The following CCDC141 variants were observed in gnomAD, a reference collection of about 807,000 sequenced individuals.
CCDC141 encodes coiled-coil domain-containing protein 141.
In CCDC141, 168 loss-of-function variants were observed where a neutral mutation model predicts 181.0. The ratio of observed to expected loss-of-function variants is 0.93; its 90% confidence interval spans 0.82 to 1.05. The LOEUF is 1.05. Among genes scored for constraint, CCDC141 ranks in the 50% least tolerant of loss-of-function variants. The probability of loss-of-function intolerance (pLI) is 0.00; values close to 1 mark genes in which losing one functional copy is unlikely to be tolerated. For synonymous variants in CCDC141, 666 were observed against 642.3 expected (o/e 1.04, Z -0.56); for missense variants, 1,902 against 1,788.5 (o/e 1.06, Z -1.14).
intron 3 of CCDC141, among the ~76,000 whole-genome samples, chr2:178,975,720 T>C (rs1691089086): frequency 6.6e-6 from 1 of 152,112 alleles, no homozygotes; most frequent in Non-Finnish European, 1.5e-5. Flanking sequence ...TAATCCAATA[T>C]TTTATACAAA....
intron 17 of CCDC141, among the ~76,000 whole-genome samples, chr2:178,860,179 A>G (rs1214024930): frequency 6.6e-6 from 1 of 152,182 alleles, no homozygotes; most frequent in Non-Finnish European, 1.5e-5. Flanking sequence ...CATATTCAGT[A>G]ACAGAAAGCT....
intron 8 of CCDC141, among the ~76,000 whole-genome samples, chr2:178,896,516 GAA>G (rs570163980): frequency 7.9e-5 from 12 of 152,298 alleles, no homozygotes; most frequent in African/African-American, 2.9e-4. Context: ...CTGAAAGAAA[GAA>G]AAACTTTGCA....
chr2:178,927,589 C>G (rs1375516950), intron 6 of CCDC141, among the ~76,000 whole-genome samples: 1 of 151,938 alleles, frequency 6.6e-6, no homozygotes, highest in Admixed American at 6.6e-5. Context: ...AGCAATGGAG[C>G]TAATGGTGTC....
At chr2:178,971,195 G>A (rs1203357855) in intron 4 of CCDC141, among the ~76,000 whole-genome samples, 3 of 151,974 alleles carry the variant, frequency 2.0e-5, no homozygotes, top group African/African-American at 7.3e-5. Flanking sequence ...GTGGCAAAGC[G>A]AGACTCCACC....
At chr2:178,814,978 T>G in the CCDC141 span, among the ~76,000 whole-genome samples, 1 of 151,112 alleles carries the variant, frequency 6.6e-6, no homozygotes, top group Non-Finnish European at 1.5e-5. Flanking sequence ...AACAAGAGAT[T>G]AAGACAAAAC....
intron 2 of CCDC141, among the ~76,000 whole-genome samples, chr2:179,034,855 G>C (rs1229525311): frequency 6.6e-6 from 1 of 152,076 alleles, no homozygotes; most frequent in South Asian, 2.1e-4. Context: ...TTTGTAAATA[G>C]TCCATTTTTA....
chr2:179,029,368 A>T (rs2042944027), intron 2 of CCDC141, among the ~76,000 whole-genome samples: 1 of 152,200 alleles, frequency 6.6e-6, no homozygotes, highest in Non-Finnish European at 1.5e-5. Flanking sequence ...GGGCATAGCC[A>T]CTTCTGAATT....
chr2:178,961,794 G>A (rs1249341607), intron 4 of CCDC141, among the ~76,000 whole-genome samples: 2 of 152,136 alleles, frequency 1.3e-5, no homozygotes, highest in South Asian at 4.1e-4. Flanking sequence ...AGTTTTCAGC[G>A]GTATGATGCT....
At chr2:178,923,288 T>A (rs1197435097) in intron 6 of CCDC141, among the ~76,000 whole-genome samples, 2 of 151,714 alleles carry the variant, frequency 1.3e-5, no homozygotes, top group African/African-American at 4.8e-5. Flanking sequence ...GTATTTTTAG[T>A]AGAGACGGGG....
intron 21 of CCDC141, among the ~76,000 whole-genome samples, chr2:178,846,839 T>C (rs1257769653): frequency 1.3e-5 from 2 of 152,234 alleles, no homozygotes; most frequent in Non-Finnish European, 2.9e-5. Flanking sequence ...GGAGATAATG[T>C]ATATGAACGT....
intron 2 of CCDC141, among the ~76,000 whole-genome samples, chr2:179,043,002 A>C (rs567877331): frequency 1.3e-5 from 2 of 152,306 alleles, no homozygotes; most frequent in South Asian, 4.1e-4. Context: ...AAAAGAGAGA[A>C]GCATCAAATA....
chr2:179,029,991 C>T (rs2042956781), intron 2 of CCDC141, among the ~76,000 whole-genome samples: 1 of 151,994 alleles, frequency 6.6e-6, no homozygotes, highest in Admixed American at 6.5e-5. Context: ...AATCTTTATC[C>T]CATTTGTATA....
chr2:178,964,446 T>C (rs1476484473), intron 4 of CCDC141, among the ~76,000 whole-genome samples: 5 of 152,208 alleles, frequency 3.3e-5, no homozygotes. Flanking sequence ...CATGAGAATA[T>C]GAACAATTAG....
intron 8 of CCDC141, among the ~76,000 whole-genome samples, chr2:178,903,541 T>G (rs1246414960): frequency 2.2e-5 from 3 of 138,166 alleles, no homozygotes; most frequent in Non-Finnish European, 4.6e-5. Context: ...TCACTCATAG[T>G]TGGGAACTGA....
At chr2:178,912,144 G>C (rs1688244932) in intron 7 of CCDC141, among the ~76,000 whole-genome samples, 1 of 152,138 alleles carries the variant, frequency 6.6e-6, no homozygotes, top group African/African-American at 2.4e-5. Context: ...TGAACACAAA[G>C]TGAAAAGGAC....
rs574750217 is a variant in CCDC141, at chr2:179,049,904, G to A, written c.38C>T (p.Thr13Met). The A allele has an allele frequency of 1.0e-5, 16 of 1,550,730 alleles. No homozygotes were observed. Among genetic ancestry groups the A allele is most frequent in the Admixed American group, 3.9e-5 (2 of 51,004 alleles). The change falls in exon 1 of 24, where the codon ACG becomes ATG. Residue 13 changes from threonine to methionine, a missense_variant. By Grantham distance (81) the Thr-to-Met change is moderately conservative (BLOSUM62 -1). Transcript: ENST00000443758. ...SQGSPSVALSTTTVSSVAVQA... is the reference protein window; with the variant it reads ...SQGSPSVALSMTTVSSVAVQA... ...CACAGCAACTGAACTGACTGTCGTC[G>A]TAGAAAGCGCAACACTAGGACTTCC...
At chr2:178,842,221 T>C (rs950070793) in intron 22 of CCDC141, among the ~76,000 whole-genome samples, 3 of 152,206 alleles carry the variant, frequency 2.0e-5, no homozygotes, top group Non-Finnish European at 4.4e-5. Context: ...ATAGCTCAAC[T>C]CTCAATCTGC....
chr2:179,049,759 T>C, intron 1 of CCDC141, 81 bp downstream of exon 1: 1 of 1,454,956 alleles, frequency 6.9e-7, no homozygotes, highest in Non-Finnish European at 9.4e-7. Flanking sequence ...GTCCTGCCGA[T>C]TGCATGGAAT....
intron 2 of CCDC141, among the ~76,000 whole-genome samples, chr2:179,018,639 T>C (rs762764306): frequency 1.1e-4 from 16 of 152,142 alleles, no homozygotes; most frequent in African/African-American, 2.7e-4. Context: ...CTTCTCTCCA[T>C]AGCAGCAAAA....
Sources: allele counts gnomAD v4.1 joint callset (sites outside exome capture counted in the v4.1 genomes callset), GRCh38; gene constraint gnomAD v4.1.1; transcripts MANE v1.5; gene names NCBI Gene and HGNC (gene_info 2026-07-23, HGNC 2026-07-21).